Variants in CSMD1 observed in about 807,000 individuals in gnomAD.
CSMD1 encodes the protein CUB and sushi domain-containing protein 1.
CSMD1 carries 213 observed loss-of-function variants against 417.5 expected under a neutral mutation model. The observed-to-expected ratio is 0.51, with a 90% CI of 0.46 to 0.57. The LOEUF is 0.57. Ranked by LOEUF, CSMD1 falls within the 20% of genes least tolerant of loss-of-function variation. The pLI is 0.00. For missense variants in CSMD1, 6,923 were observed against 4,529.7 expected, an observed-to-expected ratio of 1.53 and a Z score of -15.17; for synonymous variants, 2,862 against 1,736.8, an observed-to-expected ratio of 1.65 and a Z score of -16.11.
At chr8:3,326,959 A>G (rs1806572393) in intron 23 of CSMD1, among the ~76,000 whole-genome samples, 1 of 152,080 alleles carries the variant, frequency 6.6e-6, no homozygotes, top group African/African-American at 2.4e-5. Context: ...GGAGGATAGC[A>G]TGAGCCCAGG....
At chr8:4,051,927 T>C (rs919968489) in intron 3 of CSMD1, among the ~76,000 whole-genome samples, 10 of 148,182 alleles carry the variant, frequency 6.7e-5, no homozygotes, top group East Asian at 1.9e-4. Context: ...TTTCTTTTTC[T>C]TTCTTTCTTT....
intron 1 of CSMD1, among the ~76,000 whole-genome samples, chr8:4,990,044 C>T (rs1362388246): frequency 1.3e-5 from 2 of 152,186 alleles, no homozygotes; most frequent in Non-Finnish European, 2.9e-5. Flanking sequence ...TAGCCATTCT[C>T]TCTCTTCCCG....
rs1406808905 is a variant in CSMD1 at position 2,965,937 on chromosome 8, G to C, written c.9118C>G (p.Pro3040Ala). ...PDCTIISCGDPGTLANGIQFG... is the reference protein window; with the variant it reads ...PDCTIISCGDAGTLANGIQFG... ...TGGATGCCATTTGCTAGTGTGCCTG[G>C]ATCCCCACAACTTATAACTAATAAA... The change falls in exon 59 of 70, where the codon CCA becomes GCA. Residue 3040 changes from proline to alanine, a missense_variant. Pro to Ala is a conservative substitution (Grantham distance 27). Coordinates refer to ENST00000635120, the MANE Select transcript of CSMD1 (RefSeq NM_033225.6). 1 of 1,606,406 alleles carries C rather than the reference G, an allele frequency of 6.2e-7. No homozygotes were observed. The highest frequency in any genetic ancestry group is 8.5e-7 in the Non-Finnish European group (1 of 1,176,374).
At chr8:3,320,467 G>T (rs1453458350) in intron 23 of CSMD1, among the ~76,000 whole-genome samples, 2 of 152,190 alleles carry the variant, frequency 1.3e-5, no homozygotes, top group East Asian at 3.8e-4. Flanking sequence ...GTAAATATAA[G>T]GGATTATCAA....
At chr8:3,103,565 G>T (rs921355221) in intron 46 of CSMD1, among the ~76,000 whole-genome samples, 1 of 151,988 alleles carries the variant, frequency 6.6e-6, no homozygotes, top group African/African-American at 2.4e-5. Context: ...GTCACTCGGT[G>T]GTAGGAATTT....
At chr8:4,269,558 T>C (rs533446543) in intron 3 of CSMD1, among the ~76,000 whole-genome samples, 1 of 152,360 alleles carries the variant, frequency 6.6e-6, no homozygotes, top group East Asian at 1.9e-4. Context: ...TGGTAGCTTT[T>C]TTCCTTTTTC....
intron 2 of CSMD1, among the ~76,000 whole-genome samples, chr8:4,572,205 A>G (rs1008510808): frequency 2.0e-5 from 3 of 152,164 alleles, no homozygotes; most frequent in Non-Finnish European, 4.4e-5. Flanking sequence ...CAGTTTCTTC[A>G]TAGTGTTGTT....
At chr8:4,159,669 A>G (rs1196732416) in intron 3 of CSMD1, among the ~76,000 whole-genome samples, 1 of 152,098 alleles carries the variant, frequency 6.6e-6, no homozygotes, top group African/African-American at 2.4e-5. Flanking sequence ...GCTCACTGCA[A>G]GCTCCCCCTC....
At chr8:3,401,054 TAATTC>T (rs1479463525) in intron 15 of CSMD1, among the ~76,000 whole-genome samples, 62 of 151,956 alleles carry the variant, frequency 4.1e-4, no homozygotes, top group Admixed American at 3.7e-3. Context: ...TAATTATATG[TAATTC>T]AATTCTTTTG....
At chr8:3,915,777 A>G (rs945359518) in intron 5 of CSMD1, among the ~76,000 whole-genome samples, 26 of 149,124 alleles carry the variant, frequency 1.7e-4, no homozygotes, top group African/African-American at 6.2e-4. Flanking sequence ...ATCTGTTCCT[A>G]AAATTTTCGT....
chr8:3,862,615 T>C (rs1363966674), intron 5 of CSMD1, among the ~76,000 whole-genome samples: 1 of 152,246 alleles, frequency 6.6e-6, no homozygotes, highest in Non-Finnish European at 1.5e-5. Flanking sequence ...GGCCATACTA[T>C]ATTTCTCTAT....
At chr8:3,478,540 G>A (rs561445143) in intron 11 of CSMD1, among the ~76,000 whole-genome samples, 37 of 152,288 alleles carry the variant, frequency 2.4e-4, no homozygotes, top group African/African-American at 8.9e-4. Flanking sequence ...GCTGGCCTGG[G>A]ACCGAAGACC....
intron 10 of CSMD1, among the ~76,000 whole-genome samples, chr8:3,534,756 G>A (rs1362010015): frequency 2.6e-5 from 4 of 152,112 alleles, no homozygotes; most frequent in Admixed American, 6.5e-5. Flanking sequence ...TGAGCATATG[G>A]CATCTTAAAG....
chr8:3,138,385 T>A (rs1818231270), intron 41 of CSMD1, among the ~76,000 whole-genome samples: 2 of 152,160 alleles, frequency 1.3e-5, no homozygotes, highest in South Asian at 4.1e-4. Flanking sequence ...TCTTCAGGGT[T>A]CCATCCCAAG....
intron 7 of CSMD1, among the ~76,000 whole-genome samples, chr8:3,663,091 G>A (rs1467687870): frequency 2.0e-5 from 3 of 152,144 alleles, no homozygotes; most frequent in South Asian, 4.1e-4. Context: ...GAGCCCCACA[G>A]AACTGCCCGC....
Position 3,330,284 on chromosome 8 carries a change from A to C in CSMD1, c.3631+13010T>G, listed in dbSNP as rs11776403. Among the ~76,000 whole-genome samples the C allele has an allele frequency of 2.1e-3, 313 of 152,242 alleles. 3 individuals carry two copies. The highest frequency in any genetic ancestry group is 7.2e-3 in the African/African-American group (301 of 41,526). On this transcript the variant is annotated intron_variant, in intron 23 of 69. Transcript: ENST00000635120. ...GAACATAAACTGTTCTACCATAAAG[A>C]CATACTCATGCATATGTTCGATGCA...
At chr8:4,303,835 T>C (rs1477151512) in intron 3 of CSMD1, among the ~76,000 whole-genome samples, 2 of 152,080 alleles carry the variant, frequency 1.3e-5, no homozygotes, top group African/African-American at 4.8e-5. Flanking sequence ...GTTGTAGTTT[T>C]TAGTAGAGAC....
intron 7 of CSMD1, among the ~76,000 whole-genome samples, chr8:3,620,040 T>A (rs1802346561): frequency 6.6e-6 from 1 of 152,076 alleles, no homozygotes; most frequent in South Asian, 2.1e-4. Flanking sequence ...AGGCAGATGT[T>A]GCAGTGAGCT....
At chr8:3,454,384 G>T (rs1464160950) in intron 12 of CSMD1, among the ~76,000 whole-genome samples, 1 of 152,164 alleles carries the variant, frequency 6.6e-6, no homozygotes. Context: ...TTGCTTGTTA[G>T]TTGAGGCAGT....
Sources: gnomAD v4.1 joint callset for allele counts (sites outside exome capture counted in the v4.1 genomes callset) on GRCh38, gnomAD v4.1.1 for gene constraint, MANE v1.5 for transcripts, NCBI Gene and HGNC (gene_info 2026-07-23, HGNC 2026-07-21) for gene names.